FAAP20: variants seen among roughly 807,000 people sequenced by gnomAD.
FAAP20 encodes the protein Fanconi anemia core complex-associated protein 20.
A neutral mutation model predicts 16.2 loss-of-function variants in FAAP20; 12 were observed. The ratio of observed to expected loss-of-function variants is 0.74; its 90% CI spans 0.48 to 1.20. The LOEUF is 1.20. Ranked by LOEUF, FAAP20 falls within the 50% of genes most tolerant of loss-of-function variation. The probability of loss-of-function intolerance (pLI) is 0.00; values close to 1 mark genes in which losing one functional copy is unlikely to be tolerated. For missense variants in FAAP20, 288 were observed against 245.8 expected (o/e 1.17, Z -1.15); for synonymous variants, 141 against 110.7 (o/e 1.27, Z -1.72).
chr1:2,198,179 G>A (rs200819279), upstream of FAAP20: 207 of 1,273,722 alleles, frequency 1.6e-4, no homozygotes, highest in Non-Finnish European at 2.1e-4. Context: ...GGACTGACAC[G>A]TGCACAGTGG....
At chr1:2,208,333 T>G (rs1689341784), downstream of FAAP20, among the ~76,000 whole-genome samples, 1 of 152,088 alleles carries the variant, frequency 6.6e-6, no homozygotes, top group Non-Finnish European at 1.5e-5. Context: ...CTTTTCTTCC[T>G]CTCAACTTTA....
chr1:2,189,583 C>G lies in FAAP20; in HGVS notation c.*126G>C. 2.6e-6 allele frequency: 2 copies of G among 776,756 alleles called. No homozygotes were observed. Among genetic ancestry groups the G allele is most frequent in the Admixed American group, 2.0e-5 (1 of 51,128 alleles). 48.1% of individuals were successfully genotyped at this position (776,756 alleles called of 1,614,324 possible). A position where few individuals can be genotyped will look rare whatever the true frequency, so the allele number is the denominator to read the frequency against. On this transcript the variant is annotated 3_prime_UTR_variant, in exon 4 of 4. Transcript: ENST00000378546. ...ACACAGAGACAGACAGGAGCCCGCC[C>G]TGCTTTAATGCGCATGCGGGGGAGC...
downstream of FAAP20, among the ~76,000 whole-genome samples, chr1:2,187,367 A>T (rs1687720689): frequency 6.8e-6 from 1 of 148,066 alleles, no homozygotes; most frequent in African/African-American, 2.5e-5. Context: ...TGCAGTGGCG[A>T]GATCTCGGCT....
chr1:2,199,593 A>G, upstream of FAAP20: 2 of 985,708 alleles, frequency 2.0e-6, no homozygotes, highest in Non-Finnish European at 2.4e-6. The surrounding 1 kb of genome is among the most constrained non-coding windows in gnomAD (Gnocchi z 4.5). Flanking sequence ...TCCTCTGGGG[A>G]AGGCAAGTCA....
downstream of FAAP20, among the ~76,000 whole-genome samples, chr1:2,187,906 C>T (rs762859770): frequency 5.3e-4 from 81 of 152,228 alleles, no homozygotes; most frequent in Non-Finnish European, 1.0e-3. Flanking sequence ...ACCTCCTGTG[C>T]TCCGCCTGTG....
chr1:2,189,328 T>A (rs1687893399), downstream of FAAP20, among the ~76,000 whole-genome samples: 1 of 144,066 alleles, frequency 6.9e-6, no homozygotes, highest in African/African-American at 2.6e-5. Context: ...CGAGACCCTG[T>A]CTCAAAAAAA....
At position 2,194,611 on chromosome 1, in the gene FAAP20, G is replaced by A. The variant is rs914672229; in HGVS notation, c.62+77C>T. On this transcript the variant is annotated intron_variant, in intron 1 of 3. Transcript: ENST00000378546. ...GCCCTCCCCAGGGGGAGAATAGAGC[G>A]GGAGGCCCGCGGGGGCGCCGGGAAG... 1.3e-3 allele frequency: 1,097 copies of A among 812,656 alleles called. 17 individuals are homozygous for A. The African/African-American group carries it at 0.018, about 13-fold the overall frequency. 50.3% of individuals were successfully genotyped at this position (812,656 alleles called of 1,614,324 possible). A position where few individuals can be genotyped will look rare whatever the true frequency, so the allele number is the denominator to read the frequency against.
upstream of FAAP20, chr1:2,199,940 G>C (rs1272630379): frequency 6.6e-6 from 1 of 152,262 alleles, no homozygotes; most frequent in African/African-American, 2.4e-5. The surrounding 1 kb of genome is among the most constrained non-coding windows in gnomAD (Gnocchi z 4.5). Context: ...TTAGCTGGGT[G>C]TGGTGGTGGG....
intron 3 of FAAP20, among the ~76,000 whole-genome samples, chr1:2,205,050 C>T (rs1569590668): frequency 1.3e-5 from 1 of 77,758 alleles, no homozygotes; most frequent in Admixed American, 1.2e-4. Context: ...GGCTCCCTCA[C>T]GCCCCGTCCC....
chr1:2,190,885 G>T, intron 3 of FAAP20: 1 of 170,970 alleles, frequency 5.8e-6, no homozygotes, highest in Non-Finnish European at 1.3e-5. Context: ...TTTACCCTTG[G>T]GCTTTGCTGT....
chr1:2,195,981 G>A (rs2100712923), upstream of FAAP20, among the ~76,000 whole-genome samples: 1 of 152,320 alleles, frequency 6.6e-6, no homozygotes, highest in African/African-American at 2.4e-5. Context: ...GGGCCTGGGG[G>A]AGCTGCTGCA....
At chr1:2,185,617 G>A, downstream of FAAP20, 1 of 669,972 alleles carries the variant, frequency 1.5e-6, no homozygotes. Context: ...CTAGGGTGAA[G>A]TGACACCTTA....
downstream of FAAP20, chr1:2,187,128 G>A (rs370291641): frequency 1.7e-5 from 8 of 468,156 alleles, no homozygotes; most frequent in East Asian, 7.0e-5. Flanking sequence ...CATGGAGCCC[G>A]TGGCTGGCCG....
intron 3 of FAAP20, among the ~76,000 whole-genome samples, chr1:2,205,640 G>A (rs1431530938): frequency 6.6e-6 from 1 of 152,198 alleles, no homozygotes; most frequent in African/African-American, 2.4e-5. Context: ...TTTCAAGGTG[G>A]ACGCCACATG....
At chr1:2,211,226 C>CTT (rs56294751), downstream of FAAP20, among the ~76,000 whole-genome samples, 220 of 101,104 alleles carry the variant, frequency 2.2e-3, 1 homozygote, top group African/African-American at 8.5e-3. Context: ...TTCTTTCTTT[C>CTT]TTTTTTTTTT....
chr1:2,207,151 T>C (rs1689288860), intron 1 of FAAP20, among the ~76,000 whole-genome samples: 1 of 152,146 alleles, frequency 6.6e-6, no homozygotes, highest in African/African-American at 2.4e-5. Flanking sequence ...GGATGTGATG[T>C]TTTGCCTGGC....
upstream of FAAP20, among the ~76,000 whole-genome samples, chr1:2,202,052 A>G (rs1689073952): frequency 6.6e-6 from 1 of 151,880 alleles, no homozygotes; most frequent in African/African-American, 2.4e-5. Flanking sequence ...GAAGAAAAAG[A>G]AAAAGTGGCC....
chr1:2,194,656 C>G (rs947479156), intron 1 of FAAP20, 32 bp downstream of exon 1: 2 of 1,077,892 alleles, frequency 1.9e-6, no homozygotes, highest in South Asian at 4.4e-5. Context: ...GCGGGAAAAC[C>G]GGCCGCGCCC....
chr1:2,191,570 C>T (rs1324477806), intron 3 of FAAP20: 2 of 152,590 alleles, frequency 1.3e-5, no homozygotes, highest in Non-Finnish European at 2.9e-5. Context: ...CATGGTGAAA[C>T]CCTGTCTCTA....
Sources: gnomAD v4.1 joint callset for allele counts (sites outside exome capture counted in the v4.1 genomes callset) on GRCh38, gnomAD v4.1.1 for gene constraint, Gnocchi (gnomAD v3.1) non-coding constraint, MANE v1.5 for transcripts, NCBI Gene and HGNC (gene_info 2026-07-23, HGNC 2026-07-21) for gene names.